REXO2: variants seen among roughly 807,000 people sequenced by gnomAD.
REXO2 encodes oligoribonuclease, mitochondrial.
In REXO2, 17 loss-of-function variants were observed where a neutral mutation model predicts 30.9. That is an observed-to-expected ratio of 0.55 (90% confidence interval 0.38 to 0.82). The LOEUF (loss-of-function observed/expected upper bound fraction) is 0.82, where lower values mean the gene tolerates loss of function less well. Among genes scored for constraint, REXO2 ranks in the 40% least tolerant of loss-of-function variants. REXO2 has a pLI of 0.00. For synonymous variants in REXO2, 105 were observed against 99.6 expected (o/e 1.05, Z -0.32); for missense variants, 253 against 293.2 (o/e 0.86, Z 1.00).
Position 114,439,586 on chromosome 11 carries a change from C to A in REXO2, c.58C>A (p.Arg20=). The A allele has an allele frequency of 6.2e-7, 1 of 1,608,836 alleles. No individual in the cohort carries two copies. Among genetic ancestry groups the A allele is most frequent in the South Asian group, 1.1e-5 (1 of 90,908 alleles). The change falls in exon 1 of 7, where the codon CGG becomes AGG. Residue 20 remains arginine, a synonymous_variant. Coordinates refer to ENST00000265881, the MANE Select transcript of REXO2 (RefSeq NM_015523.4). The part of the protein sequence containing the change: ...LLRGVGGSHG[R]FGARGVREGG... Reference sequence around the variant, plus strand: ...GCGGGGTGTAGGTGGGAGTCACGGACGGTTCGGGGCCCGAGGTGTCCGCGA... The same window carrying A: ...GCGGGGTGTAGGTGGGAGTCACGGAAGGTTCGGGGCCCGAGGTGTCCGCGA...
At chr11:114,449,707 C>A in intron 6 of REXO2, 139 bp from the exon 7 acceptor site, 1 of 746,712 alleles carries the variant, frequency 1.3e-6, no homozygotes, top group Non-Finnish European at 2.0e-6. Context: ...CTGAAATGTT[C>A]TACTTTTGAT....
chr11:114,447,742 A>G (rs11214994), intron 5 of REXO2, 84 bp from the exon 6 acceptor site: 118,287 of 1,147,430 alleles, frequency 0.1, 7,351 homozygotes, highest in South Asian at 0.22. Flanking sequence ...GCCATTTTCA[A>G]TGTTAATGGA....
intron 2 of REXO2, 115 bp from the exon 3 acceptor site, chr11:114,443,741 A>G (rs1946494883): frequency 1.4e-6 from 1 of 708,760 alleles, no homozygotes; most frequent in Non-Finnish European, 2.4e-6. Context: ...AAGTATCCTT[A>G]TCTCTTACTT....
intron 3 of REXO2, 114 bp downstream of exon 3, chr11:114,444,047 A>G: frequency 1.3e-6 from 1 of 784,652 alleles, no homozygotes; most frequent in Non-Finnish European, 2.2e-6. Context: ...CTTAGAGAAG[A>G]TTGCATGGCA....
Position 114,439,774 on chromosome 11 carries a change from C to G in REXO2, c.147+99C>G, listed in dbSNP as rs1336775882. 5.1e-6 allele frequency: 7 copies of G among 1,376,252 alleles called. No homozygotes were observed. In the East Asian group the frequency reaches 1.8e-4, roughly 36 times the overall value. 85.3% of individuals were successfully genotyped at this position (1,376,252 alleles called of 1,614,324 possible). ...CTGGGAGAGCGTTGGGGGTCTGGGT[C>G]TCAGGTGTGGCAGGTGAGCGCGGCC... is the stretch of plus-strand genomic sequence containing the variant. On this transcript the variant is annotated intron_variant, in intron 1 of 6. Transcript: ENST00000265881.
In REXO2 at chr11:114,450,159, G is replaced by A. The variant is rs573832952; in HGVS notation, c.*184G>A. On this transcript the variant is annotated 3_prime_UTR_variant, in exon 7 of 7. Transcript: ENST00000265881. ...ATGCTGTTTCCATTATGACACAGCA[G>A]CTCCTTTGTAAGTACCAGGTCATGT... 1.3e-5 allele frequency: 6 copies of A among 471,120 alleles called. No individual in the cohort carries two copies. Among genetic ancestry groups the A allele is most frequent in the African/African-American group, 1.0e-4 (5 of 49,064 alleles). 29.2% of individuals were successfully genotyped at this position (471,120 alleles called of 1,614,324 possible).
chr11:114,443,965 T>G, intron 3 of REXO2, 32 bp downstream of exon 3: 3 of 1,501,278 alleles, frequency 2.0e-6, no homozygotes, highest in Non-Finnish European at 2.8e-6. Flanking sequence ...ATTGCTGCTT[T>G]GGGGATCAGT....
chr11:114,447,332 A>G (rs988570054), intron 5 of REXO2, among the ~76,000 whole-genome samples: 20 of 152,224 alleles, frequency 1.3e-4, no homozygotes, highest in Non-Finnish European at 2.8e-4. Context: ...GTCAGTTGAC[A>G]GACACTCAGT....
intron 1 of REXO2, chr11:114,440,146 G>C (rs934702686): frequency 8.6e-6 from 4 of 463,084 alleles, no homozygotes; most frequent in South Asian, 3.1e-5. Context: ...ACTCATTCAA[G>C]GTCGTGCTGT....
chr11:114,439,974 G>A, intron 1 of REXO2: 1 of 515,162 alleles, frequency 1.9e-6, no homozygotes, highest in South Asian at 2.0e-5. Flanking sequence ...TCTGGGCTTG[G>A]GTCACTGGAG....
At chr11:114,440,505 T>C (rs966200348) in intron 1 of REXO2, 151 bp from the exon 2 acceptor site, 3 of 615,660 alleles carry the variant, frequency 4.9e-6, no homozygotes, top group Non-Finnish European at 8.5e-6. Context: ...TTTAGTACCT[T>C]CAGTAGTTGC....
At chr11:114,440,346 CGTG>C (rs908131893) in intron 1 of REXO2, among the ~76,000 whole-genome samples, 3 of 152,112 alleles carry the variant, frequency 2.0e-5, no homozygotes, top group African/African-American at 7.2e-5. Context: ...TCTGCAGAGA[CGTG>C]GTGGTGGTAG....
intron 2 of REXO2, among the ~76,000 whole-genome samples, chr11:114,443,197 C>T (rs1411611144): frequency 6.6e-6 from 1 of 151,528 alleles, no homozygotes; most frequent in Non-Finnish European, 1.5e-5. Context: ...ACCTCGAACT[C>T]CTGGGTTCAA....
intron 2 of REXO2, among the ~76,000 whole-genome samples, chr11:114,441,531 G>C (rs1946478083): frequency 6.6e-6 from 1 of 152,190 alleles, no homozygotes; most frequent in Admixed American, 6.5e-5. Flanking sequence ...GACACCATCT[G>C]GTAGGGGGTG....
At chr11:114,445,277 A>G (rs1591211606) in intron 4 of REXO2, 1 of 152,336 alleles carries the variant, frequency 6.6e-6, no homozygotes, top group African/African-American at 2.4e-5. Context: ...GACTTTCTAA[A>G]GAGACCAGGC....
chr11:114,444,202 T>G (rs1177561256), intron 3 of REXO2: 2 of 612,276 alleles, frequency 3.3e-6, no homozygotes, highest in South Asian at 3.0e-5. Context: ...CAAGTCAGTC[T>G]TTTGGATAAG....
chr11:114,444,359 T>C, intron 3 of REXO2, 182 bp from the exon 4 acceptor site: 1 of 641,582 alleles, frequency 1.6e-6, no homozygotes, highest in Non-Finnish European at 2.8e-6. Context: ...CTAAGTTGGC[T>C]TGGATTCTTG....
At chr11:114,444,710 T>A (rs1039841645) in intron 4 of REXO2, 58 bp downstream of exon 4, 7 of 1,126,956 alleles carry the variant, frequency 6.2e-6, no homozygotes, top group Non-Finnish European at 8.5e-6. Flanking sequence ...TTCAAGAGAC[T>A]GCAGTTCCAG....
chr11:114,446,081 T>A lies in REXO2; in HGVS notation c.524T>A (p.Leu175Gln). The part of the protein sequence containing the change: ...RIIDVSTVKE[L>Q]CRRWYPEEYE... ...ATTGATGTGAGCACTGTTAAAGAAC[T>A]GTGCAGGTAAGGGCTATATTTAGGA... The change falls in exon 5 of 7, where the codon CTG becomes CAG. Residue 175 changes from leucine to glutamine, a missense_variant. Coordinates refer to ENST00000265881, the MANE Select transcript of REXO2 (RefSeq NM_015523.4). The A allele has an allele frequency of 6.5e-7, 1 of 1,528,486 alleles. No homozygotes were observed. The highest frequency in any genetic ancestry group is 9.0e-7 in the Non-Finnish European group (1 of 1,109,082). 94.7% of individuals were successfully genotyped at this position (1,528,486 alleles called of 1,614,324 possible).
Sources: allele counts gnomAD v4.1 joint callset (sites outside exome capture counted in the v4.1 genomes callset), GRCh38; gene constraint gnomAD v4.1.1; transcripts MANE v1.5; gene names NCBI Gene and HGNC (gene_info 2026-07-23, HGNC 2026-07-21).